The following GMPR variants were observed in gnomAD, a reference collection of about 807,000 sequenced individuals.
GMPR encodes guanosine monophosphate reductase.
Under a neutral mutation model 38.4 loss-of-function variants are expected in GMPR, and 31 were observed. The observed-to-expected ratio is 0.81, with a 90% CI of 0.61 to 1.09. GMPR has a LOEUF of 1.09. Ranked by LOEUF, GMPR falls within the 50% of genes least tolerant of loss-of-function variation. The probability of loss-of-function intolerance (pLI) is 0.00; values close to 1 mark genes in which losing one functional copy is unlikely to be tolerated. For synonymous variants in GMPR, 162 were observed against 173.3 expected (o/e 0.93, Z 0.51); for missense variants, 468 against 453.7 (o/e 1.03, Z -0.29).
intron 8 of GMPR, 115 bp from the exon 9 acceptor site, chr6:16,294,891 G>C: frequency 2.6e-6 from 2 of 763,066 alleles, no homozygotes; most frequent in Non-Finnish European, 4.3e-6. Flanking sequence ...GGTGGGGTCT[G>C]GTTTTCTGAG....
intron 7 of GMPR, among the ~76,000 whole-genome samples, chr6:16,289,751 G>C (rs1249242548): frequency 6.6e-6 from 1 of 150,726 alleles, no homozygotes; most frequent in African/African-American, 2.4e-5. Flanking sequence ...AGAGTGTGGA[G>C]AGCTTCAAGT....
intron 7 of GMPR, among the ~76,000 whole-genome samples, chr6:16,286,260 G>C (rs1271686734): frequency 6.6e-6 from 1 of 152,036 alleles, no homozygotes; most frequent in African/African-American, 2.4e-5. Context: ...TCCCGCTAGG[G>C]GGCAGCAGTG....
chr6:16,290,036 C>A (rs925251471), intron 7 of GMPR: 1 of 158,202 alleles, frequency 6.3e-6, no homozygotes, highest in East Asian at 1.8e-4. Flanking sequence ...CCAGGCTGGT[C>A]TTGAACTCCT....
intron 6 of GMPR, among the ~76,000 whole-genome samples, chr6:16,282,953 C>T (rs1759605220): frequency 6.6e-6 from 1 of 151,768 alleles, no homozygotes; most frequent in Admixed American, 6.6e-5. Flanking sequence ...GGATTATAGG[C>T]ATACGCCACC....
intron 6 of GMPR, 39 bp from the exon 7 acceptor site, chr6:16,285,754 C>T (rs1759666974): frequency 2.5e-6 from 4 of 1,586,396 alleles, no homozygotes; most frequent in Admixed American, 1.7e-5. Context: ...GCTGAGCTCC[C>T]GCTGATGATG....
At chr6:16,244,685 G>A (rs1486190044) in intron 1 of GMPR, among the ~76,000 whole-genome samples, 1 of 152,118 alleles carries the variant, frequency 6.6e-6, no homozygotes, top group Non-Finnish European at 1.5e-5. Flanking sequence ...CGTATTGGCC[G>A]GCTGTGCCAG....
chr6:16,256,998 G>A (rs1340691545), intron 4 of GMPR, among the ~76,000 whole-genome samples: 1 of 152,244 alleles, frequency 6.6e-6, no homozygotes, highest in Non-Finnish European at 1.5e-5. Flanking sequence ...TAGCAGCACA[G>A]CTGCTCTTGT....
chr6:16,268,340 A>T (rs1759309551), intron 4 of GMPR, among the ~76,000 whole-genome samples: 2 of 151,824 alleles, frequency 1.3e-5, no homozygotes, highest in South Asian at 4.2e-4. Flanking sequence ...GTTGAGATGG[A>T]CTCTCACTCT....
Position 16,285,858 on chromosome 6 carries a change from A to G in GMPR, c.697+23A>G, listed in dbSNP as rs1054140166. ...TTGGTAAGGCCGGGCCCTGGTGCAG[A>G]GGGAGGGAAGGAAGGAAGGAGGGAG... is the stretch of plus-strand genomic sequence containing the variant. On this transcript the variant is annotated intron_variant, in intron 7 of 8. Transcript: ENST00000259727. 4 of 1,591,514 alleles carry G rather than the reference A, an allele frequency of 2.5e-6. No homozygotes were observed. In the African/African-American group the frequency reaches 4.0e-5, roughly 16 times the overall value.
chr6:16,269,430 G>C (rs1290746709), intron 4 of GMPR, among the ~76,000 whole-genome samples: 1 of 152,194 alleles, frequency 6.6e-6, no homozygotes, highest in Non-Finnish European at 1.5e-5. Flanking sequence ...TTTTTGCCCA[G>C]AGACCTTTTG....
chr6:16,270,819 G>A (rs189892493), intron 4 of GMPR, among the ~76,000 whole-genome samples: 21 of 152,310 alleles, frequency 1.4e-4, no homozygotes, highest in South Asian at 6.2e-4. Context: ...AGCCACACAG[G>A]TAGCTGATGG....
chr6:16,264,267 CG>C (rs1759146449), intron 4 of GMPR: 1 of 156,528 alleles, frequency 6.4e-6, no homozygotes, highest in Admixed American at 6.6e-5. Flanking sequence ...TGAAGTGTGG[CG>C]CCAAGATTGA....
intron 4 of GMPR, among the ~76,000 whole-genome samples, chr6:16,258,532 G>A (rs1759022798): frequency 6.6e-6 from 1 of 152,250 alleles, no homozygotes; most frequent in Admixed American, 6.5e-5. Context: ...TCCCACAGCT[G>A]TCTGGGAAGC....
intron 4 of GMPR, among the ~76,000 whole-genome samples, chr6:16,273,429 G>C (rs550068963): frequency 6.6e-6 from 1 of 152,174 alleles, no homozygotes; most frequent in Non-Finnish European, 1.5e-5. Flanking sequence ...GGCTATTTTT[G>C]CACTCCTACA....
chr6:16,267,235 A>G (rs1386621863), intron 4 of GMPR, among the ~76,000 whole-genome samples: 1 of 151,974 alleles, frequency 6.6e-6, no homozygotes, highest in Non-Finnish European at 1.5e-5. Context: ...AGTCGGGTGC[A>G]GTGGCGGGCG....
chr6:16,268,594 A>G (rs1024758506), intron 4 of GMPR, among the ~76,000 whole-genome samples: 1 of 152,092 alleles, frequency 6.6e-6, no homozygotes, highest in Non-Finnish European at 1.5e-5. Context: ...TTCTCTTTTT[A>G]TGTTAGGGGT....
intron 6 of GMPR, among the ~76,000 whole-genome samples, chr6:16,279,962 T>C (rs1581663102): frequency 6.6e-6 from 1 of 152,278 alleles, no homozygotes; most frequent in East Asian, 1.9e-4. Flanking sequence ...TGCAGCAGGC[T>C]TGAGAGCCAT....
chr6:16,266,876 C>G (rs978990888), intron 4 of GMPR, among the ~76,000 whole-genome samples: 2 of 151,404 alleles, frequency 1.3e-5, no homozygotes, highest in Non-Finnish European at 2.9e-5. Context: ...ACGAACCGTC[C>G]GGGAGGAACG....
intron 6 of GMPR, 151 bp downstream of exon 6, chr6:16,279,041 G>C (rs1759530263): frequency 3.3e-6 from 2 of 609,470 alleles, no homozygotes; most frequent in Non-Finnish European, 5.8e-6. Flanking sequence ...CAGAGGCCCT[G>C]CTGCCCACGG....
Sources: allele counts gnomAD v4.1 joint callset (sites outside exome capture counted in the v4.1 genomes callset), GRCh38; gene constraint gnomAD v4.1.1; transcripts MANE v1.5; gene names NCBI Gene and HGNC (gene_info 2026-07-23, HGNC 2026-07-21).